CACNA2D3: variants seen among roughly 807,000 people sequenced by gnomAD.
The protein encoded by CACNA2D3 is calcium voltage-gated channel auxiliary subunit alpha2delta 3, also known as voltage-dependent calcium channel subunit alpha-2/delta-3.
CACNA2D3 carries 60 observed loss-of-function variants against 160.6 expected under a neutral mutation model. The observed-to-expected ratio is 0.37, with a 90% CI of 0.30 to 0.46. The LOEUF is 0.46. Among genes scored for constraint, CACNA2D3 ranks in the 20% least tolerant of loss-of-function variants. The pLI is 1.00. For missense variants in CACNA2D3, 1,205 were observed against 1,365.0 expected (o/e 0.88, Z 1.85); for synonymous variants, 558 against 492.9 (o/e 1.13, Z -1.75).
intron 11 of CACNA2D3, among the ~76,000 whole-genome samples, chr3:54,664,946 A>G (rs1700036930): frequency 6.6e-6 from 1 of 152,242 alleles, no homozygotes; most frequent in African/African-American, 2.4e-5. Context: ...AGAAGGAAAA[A>G]TGAGCCAGCT....
intron 11 of CACNA2D3, among the ~76,000 whole-genome samples, chr3:54,715,070 GGACTGTCCCTCAA>G (rs1286979741): frequency 6.6e-6 from 1 of 152,096 alleles, no homozygotes; most frequent in East Asian, 1.9e-4. Context: ...GACAGGTTGA[GGACTGTCCCTCAA>G]GACTGCCCCT....
intron 2 of CACNA2D3, among the ~76,000 whole-genome samples, chr3:54,303,597 A>G (rs1282732503): frequency 6.6e-6 from 1 of 152,128 alleles, no homozygotes; most frequent in African/African-American, 2.4e-5. Context: ...TCAAAGCATG[A>G]TACCTCACCC....
chr3:54,227,353 A>G (rs1485531488), intron 2 of CACNA2D3, among the ~76,000 whole-genome samples: 1 of 152,118 alleles, frequency 6.6e-6, no homozygotes, highest in African/African-American at 2.4e-5. Flanking sequence ...GTAGCCTCCT[A>G]AAGTTCACTA....
At chr3:54,522,094 A>T (rs1039236172) in intron 5 of CACNA2D3, among the ~76,000 whole-genome samples, 2 of 152,176 alleles carry the variant, frequency 1.3e-5, no homozygotes, top group African/African-American at 4.8e-5. Context: ...TGGGATTCTG[A>T]CAGAGATTGA....
intron 2 of CACNA2D3, among the ~76,000 whole-genome samples, chr3:54,314,054 C>T (rs557579379): frequency 5.9e-5 from 9 of 152,242 alleles, no homozygotes; most frequent in African/African-American, 2.2e-4. Flanking sequence ...CTGCTTCCCA[C>T]CCTTACTCCC....
intron 5 of CACNA2D3, among the ~76,000 whole-genome samples, chr3:54,513,541 A>G (rs1701492390): frequency 6.6e-6 from 1 of 152,206 alleles, no homozygotes; most frequent in Non-Finnish European, 1.5e-5. Context: ...CTCAGCTAGC[A>G]AAGTGGGCAA....
chr3:54,801,536 G>T (rs1158493834), intron 13 of CACNA2D3, among the ~76,000 whole-genome samples: 1 of 152,048 alleles, frequency 6.6e-6, no homozygotes, highest in East Asian at 1.9e-4. Flanking sequence ...CTAATAATAA[G>T]AAATTTAATA....
intron 13 of CACNA2D3, among the ~76,000 whole-genome samples, chr3:54,810,704 T>C (rs1392639156): frequency 6.6e-6 from 1 of 152,218 alleles, no homozygotes; most frequent in Admixed American, 6.5e-5. Context: ...ATGTGTTGTT[T>C]TGATCAATAG....
intron 17 of CACNA2D3, among the ~76,000 whole-genome samples, chr3:54,855,189 C>G (rs900068057): frequency 3.9e-5 from 6 of 152,236 alleles, no homozygotes; most frequent in African/African-American, 1.4e-4. Flanking sequence ...GGGGGACACT[C>G]ACAGGAAATG....
At chr3:54,598,206 A>G (rs1575370757) in intron 9 of CACNA2D3, among the ~76,000 whole-genome samples, 1 of 148,810 alleles carries the variant, frequency 6.7e-6, no homozygotes, top group Admixed American at 6.8e-5. Context: ...TACTTAGGAG[A>G]CTGAGGCAGG....
intron 35 of CACNA2D3, among the ~76,000 whole-genome samples, chr3:55,026,108 C>A (rs561226091): frequency 6.6e-6 from 1 of 152,050 alleles, no homozygotes; most frequent in African/African-American, 2.4e-5. Flanking sequence ...CACCGACCCC[C>A]ACACCTGCCC....
At chr3:54,527,332 A>G (rs1701741218) in intron 5 of CACNA2D3, among the ~76,000 whole-genome samples, 1 of 152,068 alleles carries the variant, frequency 6.6e-6, no homozygotes. Flanking sequence ...GAAATTTCAA[A>G]CTATTTGTTT....
chr3:54,503,984 G>C (rs757295624), intron 5 of CACNA2D3, among the ~76,000 whole-genome samples: 2 of 152,172 alleles, frequency 1.3e-5, no homozygotes, highest in Non-Finnish European at 2.9e-5. Flanking sequence ...CACTTCTGCT[G>C]TTCAGGCACA....
At chr3:55,036,354 G>T (rs765282769) in intron 35 of CACNA2D3, among the ~76,000 whole-genome samples, 1 of 152,122 alleles carries the variant, frequency 6.6e-6, no homozygotes, top group Non-Finnish European at 1.5e-5. Context: ...GGCTGAGGCA[G>T]GAGAATCACT....
intron 2 of CACNA2D3, among the ~76,000 whole-genome samples, chr3:54,147,537 T>C (rs977353792): frequency 2.0e-5 from 3 of 152,222 alleles, no homozygotes; most frequent in Admixed American, 6.5e-5. Flanking sequence ...ATGACAGACT[T>C]TGGCTCCAAA....
chr3:54,794,671 A>T (rs1480253938), intron 13 of CACNA2D3, among the ~76,000 whole-genome samples: 1 of 150,774 alleles, frequency 6.6e-6, no homozygotes, highest in African/African-American at 2.4e-5. Flanking sequence ...TTTTCACTAG[A>T]TACAGAATTC....
At chr3:54,605,996 C>G (rs1194193550) in intron 9 of CACNA2D3, among the ~76,000 whole-genome samples, 1 of 152,116 alleles carries the variant, frequency 6.6e-6, no homozygotes, top group African/African-American at 2.4e-5. Flanking sequence ...GAGATGAGTA[C>G]AGAGTCTGAT....
chr3:54,908,382 A>C (rs1033133168), intron 27 of CACNA2D3, among the ~76,000 whole-genome samples: 2 of 152,294 alleles, frequency 1.3e-5, no homozygotes, highest in South Asian at 4.1e-4. Context: ...TTGTCTTCAT[A>C]TTGTTGAGCT....
chr3:54,784,153 G>C (rs1478915291), intron 13 of CACNA2D3, among the ~76,000 whole-genome samples: 2 of 152,196 alleles, frequency 1.3e-5, no homozygotes, highest in African/African-American at 4.8e-5. Flanking sequence ...GGGTTAATAA[G>C]TAGATCAAAG....
Sources: gnomAD v4.1 joint callset for allele counts (sites outside exome capture counted in the v4.1 genomes callset) on GRCh38, gnomAD v4.1.1 for gene constraint, MANE v1.5 for transcripts, NCBI Gene and HGNC (gene_info 2026-07-23, HGNC 2026-07-21) for gene names.